The following L3MBTL3 variants were observed in gnomAD, a reference collection of about 807,000 sequenced individuals.
The protein encoded by L3MBTL3 is lethal(3)malignant brain tumor-like protein 3.
Under a neutral mutation model 102.3 loss-of-function variants are expected in L3MBTL3, and 27 were observed. The ratio of observed to expected loss-of-function variants is 0.26; its 90% CI spans 0.19 to 0.36. The LOEUF (loss-of-function observed/expected upper bound fraction) is 0.36. L3MBTL3 is among the 10% of genes least tolerant of loss of function. The pLI, the probability that L3MBTL3 is intolerant of heterozygous loss-of-function variation, is 1.00. For missense variants in L3MBTL3, 798 were observed against 955.3 expected (o/e 0.84, Z 2.17); for synonymous variants, 340 against 320.9 (o/e 1.06, Z -0.64).
intron 14 of L3MBTL3, among the ~76,000 whole-genome samples, chr6:130,080,906 C>T (rs2115093753): frequency 6.6e-6 from 1 of 152,248 alleles, no homozygotes. Flanking sequence ...AAAAGACACC[C>T]TTTCTCTGAT....
At chr6:130,052,192 A>G (rs1781143165) in intron 6 of L3MBTL3, among the ~76,000 whole-genome samples, 1 of 151,260 alleles carries the variant, frequency 6.6e-6, no homozygotes, top group African/African-American at 2.4e-5. Flanking sequence ...TGCAACCTCC[A>G]CATTCCCAGG....
rs528678047 is a variant in L3MBTL3, at chr6:130,081,091, C to CA, written c.1321+2458dup. On this transcript the variant is annotated intron_variant, in intron 14 of 22. Coordinates refer to ENST00000361794, the MANE Select transcript of L3MBTL3 (RefSeq NM_032438.4). ...CACGTTTCCGTTCTTTCTAAACACG[C>CA]AGCCTCTCTTTATTGTTCTTTTCAG... Among the ~76,000 whole-genome samples the CA allele has an allele frequency of 1.3e-4, 20 of 152,364 alleles. No individual in the cohort carries two copies. The East Asian group carries it at 3.5e-3, about 26-fold the overall frequency.
intron 6 of L3MBTL3, among the ~76,000 whole-genome samples, chr6:130,052,146 G>A (rs1049479512): frequency 4.0e-5 from 6 of 149,838 alleles, no homozygotes; most frequent in South Asian, 2.1e-4. Context: ...TTGTTCTGTC[G>A]CCAGGCTGGA....
chr6:130,089,035 G>T (rs1783866859), intron 16 of L3MBTL3, among the ~76,000 whole-genome samples: 1 of 151,908 alleles, frequency 6.6e-6, no homozygotes, highest in Admixed American at 6.6e-5. Context: ...TGAGTCAAAA[G>T]CTCAAGTATA....
At chr6:130,137,488 G>A (rs886781789) in intron 22 of L3MBTL3, 1 of 152,184 alleles carries the variant, frequency 6.6e-6, no homozygotes, top group Non-Finnish European at 1.5e-5. Context: ...GTAATAAAGA[G>A]TTTGGAAGTA....
Position 130,055,320 on chromosome 6 carries a change from G to A in L3MBTL3, c.667+65G>A, listed in dbSNP as rs974492367. The A allele has an allele frequency of 4.9e-6, 6 of 1,229,988 alleles. No individual in the cohort carries two copies. In the African/African-American group the frequency reaches 6.1e-5, roughly 12 times the overall value. 76.2% of individuals were successfully genotyped at this position (1,229,988 alleles called of 1,614,324 possible). A position where few individuals can be genotyped will look rare whatever the true frequency, so the allele number is the denominator to read the frequency against. On this transcript the variant is annotated intron_variant, in intron 8 of 22. Transcript: ENST00000361794. Reference sequence around the variant, plus strand: ...AAATTGGAAATGGTTCACACAGGTGGAAATTTTAGTCATGCCACTTAAAGT... The same window carrying A: ...AAATTGGAAATGGTTCACACAGGTGAAAATTTTAGTCATGCCACTTAAAGT...
At chr6:130,105,397 A>G (rs1784924371) in intron 19 of L3MBTL3, among the ~76,000 whole-genome samples, 1 of 152,186 alleles carries the variant, frequency 6.6e-6, no homozygotes, top group South Asian at 2.1e-4. Context: ...TGGATGGAGT[A>G]GGGGACACCT....
intron 10 of L3MBTL3, among the ~76,000 whole-genome samples, chr6:130,061,143 G>GCT (rs1244606761): frequency 6.8e-6 from 1 of 147,412 alleles, no homozygotes; most frequent in Non-Finnish European, 1.5e-5. Context: ...GGAGTGCAGT[G>GCT]GTGTAATCTT....
At chr6:130,075,129 G>T (rs1220905851) in intron 13 of L3MBTL3, among the ~76,000 whole-genome samples, 1 of 152,162 alleles carries the variant, frequency 6.6e-6, no homozygotes, top group East Asian at 1.9e-4. Context: ...AACCTGGGCT[G>T]TTCTGAACTT....
At chr6:130,045,641 G>C (rs1780683136) in intron 3 of L3MBTL3, among the ~76,000 whole-genome samples, 1 of 152,108 alleles carries the variant, frequency 6.6e-6, no homozygotes, top group Admixed American at 6.5e-5. Flanking sequence ...TCTAAAGAGA[G>C]AAAACACCTT....
At chr6:130,137,917 C>G (rs866323268) in intron 22 of L3MBTL3, 1 of 152,192 alleles carries the variant, frequency 6.6e-6, no homozygotes, top group African/African-American at 2.4e-5. Context: ...ACCAATGTTT[C>G]CAGAAAACAG....
At chr6:130,089,066 T>G (rs1346544324) in intron 16 of L3MBTL3, among the ~76,000 whole-genome samples, 1 of 151,150 alleles carries the variant, frequency 6.6e-6, no homozygotes, top group South Asian at 2.1e-4. Flanking sequence ...CTCTATCTTT[T>G]TATTATTATT....
intron 7 of L3MBTL3, chr6:130,054,949 A>G (rs142618447): frequency 1.8e-4 from 85 of 484,342 alleles, no homozygotes; most frequent in African/African-American, 1.5e-3. Flanking sequence ...AGCGGTGTCC[A>G]TGCCCTTCCA....
At position 130,128,201 on chromosome 6, in the gene L3MBTL3, GGT is replaced by G. The variant is rs952307045; in HGVS notation, c.1967-5238_1967-5237del. ...CTTTAGTAGTGATTAGGGTTAGGGGGGTGTGTGTGTGTGTAATATAAAACACA... is the reference window on the plus strand; with the variant it reads ...CTTTAGTAGTGATTAGGGTTAGGGGGGTGTGTGTGTGTAATATAAAACACA... On this transcript the variant is annotated intron_variant, in intron 20 of 22. Coordinates refer to ENST00000361794, the MANE Select transcript of L3MBTL3 (RefSeq NM_032438.4). Among the ~76,000 whole-genome samples, 305 of 151,700 alleles carry G rather than the reference GGT, an allele frequency of 2.0e-3. 1 individual carries two copies. The highest frequency in any genetic ancestry group is 7.0e-3 in the African/African-American group (290 of 41,390).
chr6:130,092,932 C>T, intron 17 of L3MBTL3, 73 bp downstream of exon 17: 1 of 951,462 alleles, frequency 1.1e-6, no homozygotes, highest in South Asian at 1.4e-5. Context: ...CATCCTTAGC[C>T]CTTTCTTTTT....
At chr6:130,054,098 A>T (rs116472361) in intron 7 of L3MBTL3, among the ~76,000 whole-genome samples, 1 of 152,222 alleles carries the variant, frequency 6.6e-6, no homozygotes, top group Non-Finnish European at 1.5e-5. Flanking sequence ...GATCTGATGA[A>T]TGAAGAGGAG....
intron 20 of L3MBTL3, among the ~76,000 whole-genome samples, chr6:130,126,492 G>A (rs1352381093): frequency 1.3e-5 from 2 of 152,130 alleles, no homozygotes; most frequent in Non-Finnish European, 2.9e-5. Flanking sequence ...TTTGGTTTAG[G>A]TAGTGTTCAT....
intron 18 of L3MBTL3, among the ~76,000 whole-genome samples, chr6:130,094,756 A>T (rs1005344481): frequency 6.6e-6 from 1 of 152,218 alleles, no homozygotes; most frequent in African/African-American, 2.4e-5. Context: ...AGATGAGATG[A>T]TTGTAGATTA....
intron 20 of L3MBTL3, among the ~76,000 whole-genome samples, chr6:130,121,306 TGTAA>T (rs1260660450): frequency 6.6e-6 from 1 of 152,182 alleles, no homozygotes; most frequent in Admixed American, 6.6e-5. Context: ...AGCTCCCATG[TGTAA>T]GTGAGAGCAT....
Sources: allele counts gnomAD v4.1 joint callset (sites outside exome capture counted in the v4.1 genomes callset), GRCh38; gene constraint gnomAD v4.1.1; transcripts MANE v1.5; gene names NCBI Gene and HGNC (gene_info 2026-07-23, HGNC 2026-07-21).